PCDHGB6: variants seen among roughly 807,000 people sequenced by gnomAD.
PCDHGB6 encodes the protein protocadherin gamma subfamily B, 6, also known as protocadherin gamma-B6.
PCDHGB6 carries 51 observed loss-of-function variants against 59.1 expected under a neutral mutation model. The ratio of observed to expected loss-of-function variants is 0.86; its 90% CI spans 0.69 to 1.09. The LOEUF (loss-of-function observed/expected upper bound fraction) is 1.09, where lower values mean the gene tolerates loss of function less well. Ranked by LOEUF, PCDHGB6 falls within the 50% of genes least tolerant of loss-of-function variation. PCDHGB6 has a pLI of 0.00. For synonymous variants in PCDHGB6, 466 were observed against 495.1 expected (o/e 0.94, Z 0.78); for missense variants, 1,148 against 1,205.1 (o/e 0.95, Z 0.70).
chr5:141,419,375 T>G (rs755252910), intron 1 of PCDHGB6: 1 of 1,613,728 alleles, frequency 6.2e-7, no homozygotes, highest in Admixed American at 1.7e-5. Context: ...GTCCTACGTG[T>G]CCGTGAGCGC....
chr5:141,497,005 A>T (rs1249733879), intron 2 of PCDHGB6, among the ~76,000 whole-genome samples: 1 of 152,134 alleles, frequency 6.6e-6, no homozygotes, highest in Non-Finnish European at 1.5e-5. Context: ...GGCAGCCAAC[A>T]TGGTGAAACC....
Position 141,491,215 on chromosome 5 carries a change from A to G in PCDHGB6, c.2419-3592A>G, listed in dbSNP as rs546893944. 2.5e-6 allele frequency: 4 copies of G among 1,614,196 alleles called. No individual in the cohort carries two copies. Among genetic ancestry groups the G allele is most frequent in the Non-Finnish European group, 3.4e-6 (4 of 1,180,036 alleles). On this transcript the variant is annotated intron_variant, in intron 1 of 3. Coordinates refer to ENST00000520790, the MANE Select transcript of PCDHGB6 (RefSeq NM_018926.3). This position sits in a 1 kb window ranked among gnomAD's most constrained non-coding sequence, Gnocchi z 6.9. ...CAATGGTGACCCTTCACTCTCCTCC[A>G]CAGCCACAGTGCTGCTGGTTCTGGA...
At chr5:141,433,103 C>T (rs762225174) in intron 1 of PCDHGB6, 3 of 1,614,126 alleles carry the variant, frequency 1.9e-6, no homozygotes, top group Non-Finnish European at 2.5e-6. Flanking sequence ...GCTCGTCAGC[C>T]AGGAGAGCTT....
chr5:141,415,301 T>C, intron 1 of PCDHGB6: 1 of 1,614,230 alleles, frequency 6.2e-7, no homozygotes, highest in South Asian at 1.1e-5. Context: ...TGCGTCTTCC[T>C]GGCCTTCGTC....
chr5:141,417,572 G>T, intron 1 of PCDHGB6: 1 of 376,228 alleles, frequency 2.7e-6, no homozygotes, highest in East Asian at 4.1e-5. Flanking sequence ...AAGTCAAGTT[G>T]CAGTCCCACA....
At chr5:141,501,146 T>C (rs2299023) in intron 2 of PCDHGB6, among the ~76,000 whole-genome samples, 88,663 of 152,012 alleles carry the variant, frequency 0.58, 27,355 homozygotes, top group African/African-American at 0.78. Context: ...GGATTACAGG[T>C]GGGAGCCACC....
rs557973676 is a variant in PCDHGB6, at chr5:141,429,315, T to C, written c.2418+18695T>C. 9.2e-5 allele frequency among the ~76,000 whole-genome samples: 14 copies of C among 152,298 alleles called. No individual in the cohort carries two copies. In the South Asian group the frequency reaches 2.9e-3, roughly 32 times the overall value. ...ACATCAATATTTGAGTATATAAGGC[T>C]TTTTCTTTAATCCATTAACTATAAA... On this transcript the variant is annotated intron_variant, in intron 1 of 3. Transcript: ENST00000520790.
chr5:141,457,868 G>T lies in PCDHGB6; in HGVS notation c.2419-36939G>T, dbSNP rs1479066479. ...AAAGTGACATTCTTCACTGACCACA[G>T]GTTAGGAACCCTGTGTGGGGACTGT... On this transcript the variant is annotated intron_variant, in intron 1 of 3. Transcript: ENST00000520790. Among the ~76,000 whole-genome samples the T allele has an allele frequency of 2.0e-5, 3 of 152,346 alleles. No individual in the cohort carries two copies. In the East Asian group the frequency reaches 5.8e-4, roughly 29 times the overall value.
chr5:141,451,095 T>G (rs1158753327), intron 1 of PCDHGB6, among the ~76,000 whole-genome samples: 2 of 152,180 alleles, frequency 1.3e-5, no homozygotes, highest in African/African-American at 4.8e-5. Context: ...CCCAAAGTGT[T>G]GGGATTACAG....
At chr5:141,423,833 T>A in intron 1 of PCDHGB6, 1 of 1,262,398 alleles carries the variant, frequency 7.9e-7, no homozygotes, top group Non-Finnish European at 1.0e-6. Context: ...TTCATGAGAT[T>A]ACGATAATCT....
chr5:141,427,982 G>T, intron 1 of PCDHGB6: 1 of 1,596,752 alleles, frequency 6.3e-7, no homozygotes, highest in African/African-American at 1.3e-5. Flanking sequence ...CCGCGCTGGG[G>T]CCCGATGGCT....
At chr5:141,438,366 G>A (rs749623408) in intron 1 of PCDHGB6, among the ~76,000 whole-genome samples, 6 of 151,462 alleles carry the variant, frequency 4.0e-5, no homozygotes, top group Non-Finnish European at 7.4e-5. Context: ...TTGTCATTGA[G>A]GGCAGATATA....
intron 1 of PCDHGB6, chr5:141,441,910 G>A: frequency 2.9e-6 from 1 of 349,440 alleles, no homozygotes; most frequent in Non-Finnish European, 5.5e-6. Flanking sequence ...AGACGCAGAT[G>A]TGAGACACAA....
intron 1 of PCDHGB6, chr5:141,433,149 C>A (rs758972664): frequency 1.2e-6 from 2 of 1,613,856 alleles, no homozygotes; most frequent in Non-Finnish European, 1.7e-6. Context: ...TCAGGTGATT[C>A]GGTATTTTCT....
rs550161736 is a variant in PCDHGB6, at chr5:141,427,826, G to T, written c.2418+17206G>T. ...GCGCACAGAGCGGGGTGGTGGTCGCGCAGCGTGCCTTCGACCACGAGCAGC... is the reference window on the plus strand; with the variant it reads ...GCGCACAGAGCGGGGTGGTGGTCGCTCAGCGTGCCTTCGACCACGAGCAGC... On this transcript the variant is annotated intron_variant, in intron 1 of 3. Coordinates refer to ENST00000520790, the MANE Select transcript of PCDHGB6 (RefSeq NM_018926.3). The T allele has an allele frequency of 2.6e-6, 4 of 1,536,502 alleles. No individual in the cohort carries two copies. The East Asian group carries it at 6.8e-5, about 26-fold the overall frequency.
In PCDHGB6 at chr5:141,415,739, G is replaced by GTTT. The variant is rs1561759437; in HGVS notation, c.2418+5119_2418+5120insTTT. 6 of 435,150 alleles carry GTTT rather than the reference G, an allele frequency of 1.4e-5. No individual in the cohort carries two copies. The African/African-American group carries it at 1.6e-4, about 12-fold the overall frequency. 27.0% of individuals were successfully genotyped at this position (435,150 alleles called of 1,614,324 possible). ...ATGAGTAGAATTTGATGTTTATTAAGGTTTTTTTTTTTTTTTTTTTTTTTT... is the reference window on the plus strand; with the variant it reads ...ATGAGTAGAATTTGATGTTTATTAAGTTTGTTTTTTTTTTTTTTTTTTTTTTTT... On this transcript the variant is annotated intron_variant, in intron 1 of 3. Transcript: ENST00000520790.
At chr5:141,499,451 T>A (rs1378621877) in intron 2 of PCDHGB6, among the ~76,000 whole-genome samples, 3 of 152,130 alleles carry the variant, frequency 2.0e-5, no homozygotes, top group Non-Finnish European at 4.4e-5. Flanking sequence ...AAACCACCCA[T>A]CATTTTACAA....
chr5:141,418,397 T>C (rs764404369), intron 1 of PCDHGB6: 9 of 1,613,838 alleles, frequency 5.6e-6, no homozygotes, highest in South Asian at 3.3e-5. Context: ...GTATTTCTCA[T>C]TGGTGGAGAA....
Position 141,432,097 on chromosome 5 carries a change from C to A in PCDHGB6, c.2418+21477C>A. The A allele has an allele frequency of 1.9e-6, 3 of 1,614,184 alleles. No individual in the cohort carries two copies. Among genetic ancestry groups the A allele is most frequent in the Non-Finnish European group, 1.7e-6 (2 of 1,180,034 alleles). On this transcript the variant is annotated intron_variant, in intron 1 of 3. Transcript: ENST00000520790. This position sits in a 1 kb window ranked among gnomAD's most constrained non-coding sequence, Gnocchi z 6.0. ...TCTCGCTGAACGTGGCAGACACCAA[C>A]GACAACCCGCCGGTCTTCCCTCAGG...
Sources: allele counts gnomAD v4.1 joint callset (sites outside exome capture counted in the v4.1 genomes callset), GRCh38; gene constraint gnomAD v4.1.1; non-coding constraint Gnocchi (gnomAD v3.1); transcripts MANE v1.5; gene names NCBI Gene and HGNC (gene_info 2026-07-23, HGNC 2026-07-21).